RORA: variants seen among roughly 807,000 people sequenced by gnomAD.
The protein encoded by RORA is RAR related orphan receptor A.
Under a neutral mutation model 69.5 loss-of-function variants are expected in RORA, and 7 were observed. That is an observed-to-expected ratio of 0.10 (90% CI 0.06 to 0.19). The LOEUF (loss-of-function observed/expected upper bound fraction) is 0.19, where lower values mean the gene tolerates loss of function less well. RORA is among the 10% of genes least tolerant of loss of function. The pLI is 1.00. For missense variants in RORA, 457 were observed against 663.0 expected, an observed-to-expected ratio of 0.69 and a Z score of 3.41; for synonymous variants, 261 against 240.8, an observed-to-expected ratio of 1.08 and a Z score of -0.78.
intron 1 of RORA, among the ~76,000 whole-genome samples, chr15:61,014,936 A>G (rs1895228368): frequency 6.6e-6 from 1 of 152,124 alleles, no homozygotes; most frequent in Non-Finnish European, 1.5e-5. Context: ...TTAATCTGAG[A>G]TATTTTATCT....
At chr15:60,912,247 C>G (rs1253122570) in intron 1 of RORA, among the ~76,000 whole-genome samples, 1 of 151,540 alleles carries the variant, frequency 6.6e-6, no homozygotes, top group Non-Finnish European at 1.5e-5. Context: ...CCTGCCTCTA[C>G]AAAAAAAGAA....
chr15:60,692,277 G>A (rs2070839036), intron 1 of RORA, among the ~76,000 whole-genome samples: 1 of 152,056 alleles, frequency 6.6e-6, no homozygotes, highest in Non-Finnish European at 1.5e-5. Flanking sequence ...AATCCCAATT[G>A]TAAATATTTA....
intron 1 of RORA, among the ~76,000 whole-genome samples, chr15:61,094,794 A>C (rs1320968961): frequency 6.6e-6 from 1 of 152,248 alleles, no homozygotes; most frequent in African/African-American, 2.4e-5. Context: ...CACCCAGCAG[A>C]CAACTACTTG....
At chr15:60,833,455 A>T (rs2073075377) in intron 1 of RORA, among the ~76,000 whole-genome samples, 1 of 152,142 alleles carries the variant, frequency 6.6e-6, no homozygotes, top group African/African-American at 2.4e-5. Flanking sequence ...ACCCCAAGTG[A>T]TCCACCTGCC....
chr15:61,046,971 C>T (rs1215462410), intron 1 of RORA, among the ~76,000 whole-genome samples: 2 of 152,250 alleles, frequency 1.3e-5, no homozygotes, highest in African/African-American at 4.8e-5. Flanking sequence ...GCATCTTTTG[C>T]TCGAAATGGC....
chr15:60,889,118 G>A (rs2073783779), intron 1 of RORA, among the ~76,000 whole-genome samples: 1 of 152,188 alleles, frequency 6.6e-6, no homozygotes, highest in Non-Finnish European at 1.5e-5. Flanking sequence ...TGCCTCCCAT[G>A]TCGCACACTT....
chr15:60,573,349 T>A (rs1175516379), intron 2 of RORA, among the ~76,000 whole-genome samples: 2 of 152,110 alleles, frequency 1.3e-5, no homozygotes, highest in Non-Finnish European at 1.5e-5. Flanking sequence ...TTCATACATC[T>A]CTCAACACCA....
intron 1 of RORA, among the ~76,000 whole-genome samples, chr15:61,103,854 C>G (rs1379878591): frequency 6.6e-6 from 1 of 152,074 alleles, no homozygotes; most frequent in Non-Finnish European, 1.5e-5. Context: ...CTAAAAAGAC[C>G]TCGGCAAGCA....
chr15:61,229,112 G>A lies in RORA; in HGVS notation c.107C>T (p.Ala36Val), dbSNP rs1434044996. 6.5e-7 allele frequency: 1 copy of A among 1,540,954 alleles called. No individual in the cohort carries two copies. The highest frequency in any genetic ancestry group is 2.5e-5 in the East Asian group (1 of 40,258). ...SRETPLNQES[A>V]RKSEPPAPVR... is the part of the protein sequence containing the mutation. ...CGGGGCAGGCGGCTCGCTCTTGCGG[G>A]CGGATTCCTGGTTCAGCGGGGTCTC... The change falls in exon 1 of 11, where the codon GCC (alanine) becomes GTC (valine). Residue 36 changes from alanine (A) to valine (V), a missense_variant. Around this residue, in one of 3 missense-constraint regions of RORA, gnomAD observed 119 missense variants for 92.4 expected, o/e 1.29. Transcript: ENST00000335670.
At chr15:60,592,350 C>A in intron 2 of RORA, 1 of 1,376,230 alleles carries the variant, frequency 7.3e-7, no homozygotes, top group South Asian at 1.6e-5. Context: ...CCCGGAGCCG[C>A]CAGCCCACCC....
chr15:60,684,327 A>C (rs564545094), intron 1 of RORA, among the ~76,000 whole-genome samples: 1 of 152,246 alleles, frequency 6.6e-6, no homozygotes, highest in Non-Finnish European at 1.5e-5. Flanking sequence ...GCATTAAAAA[A>C]CGAACAGGCT....
At chr15:60,653,331 G>A (rs920632320) in intron 2 of RORA, among the ~76,000 whole-genome samples, 4 of 151,104 alleles carry the variant, frequency 2.6e-5, no homozygotes, top group African/African-American at 7.3e-5. Context: ...GTGTGTGTGC[G>A]TATTTGAACA....
intron 1 of RORA, among the ~76,000 whole-genome samples, chr15:61,146,627 A>G (rs1224236676): frequency 6.6e-6 from 1 of 152,222 alleles, no homozygotes; most frequent in African/African-American, 2.4e-5. Flanking sequence ...TAAACATGTT[A>G]ATGATTTCAG....
intron 1 of RORA, among the ~76,000 whole-genome samples, chr15:60,883,146 A>AAAG (rs1247394992): frequency 4.7e-5 from 4 of 84,222 alleles, no homozygotes; most frequent in African/African-American, 1.8e-4. Flanking sequence ...AAAAAAAAAA[A>AAAG]AAAAAGAAAG....
At chr15:60,615,853 G>A (rs1246037010) in intron 2 of RORA, among the ~76,000 whole-genome samples, 1 of 152,186 alleles carries the variant, frequency 6.6e-6, no homozygotes, top group East Asian at 1.9e-4. Flanking sequence ...GTGGATGGAG[G>A]TTGAGAGGGC....
chr15:60,607,242 T>G (rs930308949), intron 2 of RORA, among the ~76,000 whole-genome samples: 1 of 152,060 alleles, frequency 6.6e-6, no homozygotes, highest in African/African-American at 2.4e-5. Context: ...TACAGCATAC[T>G]GTACACACCA....
chr15:60,561,986 C>T (rs979924173), intron 2 of RORA, among the ~76,000 whole-genome samples: 5 of 151,980 alleles, frequency 3.3e-5, no homozygotes, highest in African/African-American at 1.2e-4. Context: ...TCTTGATGCC[C>T]AGGCTGGAGT....
chr15:61,087,063 C>T (rs558281477), intron 1 of RORA, among the ~76,000 whole-genome samples: 2 of 152,094 alleles, frequency 1.3e-5, no homozygotes, highest in African/African-American at 4.8e-5. Flanking sequence ...CCTAGCTACT[C>T]AAGAGGCTGA....
chr15:60,502,919 A>AGTTT lies in RORA; in HGVS notation c.1076-56_1076-53dup, dbSNP rs770817014. 2.5e-6 allele frequency: 3 copies of AGTTT among 1,194,664 alleles called. No homozygotes were observed. In the African/African-American group the frequency reaches 4.5e-5, roughly 18 times the overall value. 74.0% of individuals were successfully genotyped at this position (1,194,664 alleles called of 1,614,324 possible). A position where few individuals can be genotyped will look rare whatever the true frequency, so the allele number is the denominator to read the frequency against. On this transcript the variant is annotated intron_variant, in intron 7 of 10. Transcript: ENST00000335670. Reference sequence around the variant, plus strand: ...TCATTTGGGTCATCTGATGTTAGTGAGTTTGTTTCTAAGCTGCTCATGTAG... The same window carrying AGTTT: ...TCATTTGGGTCATCTGATGTTAGTGAGTTTGTTTGTTTCTAAGCTGCTCATGTAG...
Sources: allele counts gnomAD v4.1 joint callset (sites outside exome capture counted in the v4.1 genomes callset), GRCh38; gene constraint gnomAD v4.1.1; regional missense constraint gnomAD v4.1.1; transcripts MANE v1.5; gene names NCBI Gene and HGNC (gene_info 2026-07-23, HGNC 2026-07-21).